Variants in RBFOX1 observed in about 807,000 individuals in gnomAD.
RBFOX1 encodes RNA binding fox-1 homolog 1, also known as RNA binding protein fox-1 homolog 1.
A neutral mutation model predicts 57.7 loss-of-function variants in RBFOX1; 8 were observed. That is an observed-to-expected ratio of 0.14 (90% confidence interval 0.08 to 0.25). The LOEUF is 0.25. RBFOX1 is among the 10% of genes least tolerant of loss of function. RBFOX1 has a pLI of 1.00. For missense variants in RBFOX1, 611 were observed against 548.5 expected (o/e 1.11, Z -1.14); for synonymous variants, 326 against 222.4 (o/e 1.47, Z -4.15).
At chr16:5,483,694 C>T (rs1235580764) in intron 2 of RBFOX1, among the ~76,000 whole-genome samples, 1 of 152,182 alleles carries the variant, frequency 6.6e-6, no homozygotes, top group African/African-American at 2.4e-5. Context: ...AAGCAAAGCA[C>T]TGTTGGGTGA....
intron 4 of RBFOX1, among the ~76,000 whole-genome samples, chr16:5,909,090 CTTT>C (rs3041577): frequency 2.6e-5 from 3 of 116,384 alleles, no homozygotes; most frequent in African/African-American, 3.4e-5. Flanking sequence ...CTAAGCCCCC[CTTT>C]TTTTTTTTTT....
intron 4 of RBFOX1, among the ~76,000 whole-genome samples, chr16:7,250,647 T>G (rs754473032): frequency 6.6e-5 from 10 of 152,048 alleles, no homozygotes; most frequent in Non-Finnish European, 1.2e-4. Context: ...TTTAGAGGAG[T>G]GCATTTTACC....
chr16:7,662,667 T>C (rs1297416754), intron 12 of RBFOX1, among the ~76,000 whole-genome samples: 1 of 152,188 alleles, frequency 6.6e-6, no homozygotes, highest in African/African-American at 2.4e-5. Context: ...GATAAGAGTC[T>C]GAAAAATGAT....
intron 2 of RBFOX1, among the ~76,000 whole-genome samples, 169 bp downstream of exon 2, chr16:6,317,226 CA>C (rs1291955776): frequency 6.6e-6 from 1 of 152,302 alleles, no homozygotes; most frequent in East Asian, 1.9e-4. Flanking sequence ...AGAGGGCCTG[CA>C]AGGTAGAACC....
intron 4 of RBFOX1, among the ~76,000 whole-genome samples, chr16:5,993,658 C>A (rs1329665430): frequency 4.6e-5 from 7 of 152,130 alleles, no homozygotes; most frequent in Admixed American, 3.9e-4. Flanking sequence ...GAGCCATAAT[C>A]AAGATTACCC....
chr16:6,431,928 T>TCTTTCTTC (rs2094109006), intron 2 of RBFOX1, among the ~76,000 whole-genome samples: 1 of 144,918 alleles, frequency 6.9e-6, no homozygotes, highest in African/African-American at 2.5e-5. Flanking sequence ...TTTCTTTCTT[T>TCTTTCTTC]CTTTCTTTCT....
chr16:7,505,219 T>C (rs1282844605), intron 4 of RBFOX1, among the ~76,000 whole-genome samples: 4 of 144,958 alleles, frequency 2.8e-5, no homozygotes, highest in South Asian at 2.1e-4. Flanking sequence ...CTCTTTGAGA[T>C]GATTGAGGCA....
intron 4 of RBFOX1, among the ~76,000 whole-genome samples, chr16:7,275,119 T>C (rs764022945): frequency 6.6e-6 from 1 of 152,068 alleles, no homozygotes; most frequent in Non-Finnish European, 1.5e-5. Context: ...CTCTGAGCTT[T>C]TGCTTATATC....
chr16:6,849,513 A>G (rs766458808), intron 3 of RBFOX1, among the ~76,000 whole-genome samples: 1 of 152,098 alleles, frequency 6.6e-6, no homozygotes, highest in African/African-American at 2.4e-5. Flanking sequence ...ACTAAACAAT[A>G]CAAAAATTAG....
intron 5 of RBFOX1, among the ~76,000 whole-genome samples, chr16:7,530,005 T>C (rs1182302250): frequency 7.9e-5 from 2 of 25,422 alleles, no homozygotes; most frequent in East Asian, 8.6e-4. Flanking sequence ...TCAGACTCCA[T>C]CTCAAAAAAA....
intron 3 of RBFOX1, among the ~76,000 whole-genome samples, chr16:5,837,808 T>C (rs919283780): frequency 6.6e-6 from 1 of 152,164 alleles, no homozygotes; most frequent in Admixed American, 6.5e-5. Context: ...GCTTATCTCA[T>C]TGATCACACT....
rs189728749 is a variant in RBFOX1, at chr16:5,365,528, G to A, written c.220-101688G>A. 2.4e-3 allele frequency among the ~76,000 whole-genome samples: 369 copies of A among 152,236 alleles called. 1 individual carries two copies. The highest frequency in any genetic ancestry group is 8.7e-3 in the African/African-American group (362 of 41,538). The stretch of plus-strand genomic sequence containing the variant: ...TACTAAAAATACAAAAATTAGCTGG[G>A]CATGGTGGCATGTGCCTGTAGTCCC... On this transcript the variant is annotated intron_variant, in intron 1 of 2. Transcript: ENST00000585867.
chr16:7,177,241 A>G (rs548477011), intron 4 of RBFOX1, among the ~76,000 whole-genome samples: 4 of 152,282 alleles, frequency 2.6e-5, no homozygotes, highest in African/African-American at 7.2e-5. Context: ...TGTGCTCCTT[A>G]TCTAGCTTGA....
intron 3 of RBFOX1, among the ~76,000 whole-genome samples, chr16:7,031,873 C>T (rs547369602): frequency 6.6e-6 from 1 of 152,274 alleles, no homozygotes; most frequent in South Asian, 2.1e-4. Context: ...GCTCCACTAC[C>T]TTGCCTTCTA....
At chr16:5,250,379 G>C (rs1258065255) in intron 1 of RBFOX1, among the ~76,000 whole-genome samples, 2 of 151,954 alleles carry the variant, frequency 1.3e-5, no homozygotes, top group Admixed American at 1.3e-4. Flanking sequence ...TAGGTTTTAA[G>C]CCCCGCATGC....
chr16:6,819,383 G>C (rs940324448), intron 3 of RBFOX1, among the ~76,000 whole-genome samples: 1 of 152,096 alleles, frequency 6.6e-6, no homozygotes, highest in African/African-American at 2.4e-5. Flanking sequence ...CTTTAACATG[G>C]CTGTAGAGTT....
chr16:6,102,891 G>A (rs1016730242), intron 1 of RBFOX1, among the ~76,000 whole-genome samples: 2 of 152,052 alleles, frequency 1.3e-5, no homozygotes, highest in Non-Finnish European at 2.9e-5. Context: ...GGGGTCATTT[G>A]GGGTTTTTTT....
chr16:6,495,865 A>G (rs1411231701), intron 2 of RBFOX1, among the ~76,000 whole-genome samples: 1 of 152,230 alleles, frequency 6.6e-6, no homozygotes, highest in African/African-American at 2.4e-5. Context: ...TTGTATTCAC[A>G]ACATAAAGGT....
intron 1 of RBFOX1, among the ~76,000 whole-genome samples, chr16:5,415,978 A>G (rs951624956): frequency 1.4e-4 from 21 of 152,164 alleles, no homozygotes; most frequent in African/African-American, 5.1e-4. Context: ...TGGAGCTGAG[A>G]GCTGTAACGC....
Sources: allele counts gnomAD v4.1 joint callset (sites outside exome capture counted in the v4.1 genomes callset), GRCh38; gene constraint gnomAD v4.1.1; transcripts MANE v1.5; gene names NCBI Gene and HGNC (gene_info 2026-07-23, HGNC 2026-07-21).